GRID1: variants seen among roughly 807,000 people sequenced by gnomAD.
GRID1 encodes glutamate ionotropic receptor delta type subunit 1.
A neutral mutation model predicts 98.0 loss-of-function variants in GRID1; 28 were observed. The ratio of observed to expected loss-of-function variants is 0.29; its 90% CI spans 0.21 to 0.39. The LOEUF (loss-of-function observed/expected upper bound fraction) is 0.39. GRID1 is among the 10% of genes least tolerant of loss of function. The pLI is 1.00. For missense variants in GRID1, 1,111 were observed against 1,340.5 expected, an observed-to-expected ratio of 0.83 and a Z score of 2.67; for synonymous variants, 553 against 538.5, an observed-to-expected ratio of 1.03 and a Z score of -0.37.
rs552165532 is a variant in GRID1 at position 86,112,674 on chromosome 10, G to A, written c.726+26145C>T. ...CTGCTGCAAATCTCACCTCCTCCTC[G>A]GCTCCTAATGAGGACGGGCCTTCTC... On this transcript the variant is annotated intron_variant, in intron 4 of 15. Coordinates refer to ENST00000327946, the MANE Select transcript of GRID1 (RefSeq NM_017551.3). Among the ~76,000 whole-genome samples the A allele has an allele frequency of 2.6e-5, 4 of 152,216 alleles. No individual in the cohort carries two copies. In the South Asian group the frequency reaches 8.3e-4, roughly 32 times the overall value.
intron 8 of GRID1, among the ~76,000 whole-genome samples, chr10:85,846,508 A>G (rs1222886752): frequency 6.6e-6 from 1 of 152,212 alleles, no homozygotes; most frequent in Non-Finnish European, 1.5e-5. Flanking sequence ...TGGGCAACAG[A>G]GTGAGACTGT....
chr10:86,050,984 C>T (rs938792290), intron 4 of GRID1, among the ~76,000 whole-genome samples: 19 of 151,098 alleles, frequency 1.3e-4, no homozygotes, highest in African/African-American at 3.6e-4. Flanking sequence ...AGGCTGAGGC[C>T]GGAGAATCAC....
At chr10:86,115,078 C>A (rs573972232) in intron 4 of GRID1, among the ~76,000 whole-genome samples, 1 of 151,980 alleles carries the variant, frequency 6.6e-6, no homozygotes. Context: ...CAAGAGCTCC[C>A]GGGGGCTATG....
chr10:85,696,079 C>G (rs1256089597), intron 12 of GRID1, among the ~76,000 whole-genome samples: 2 of 152,036 alleles, frequency 1.3e-5, no homozygotes, highest in Admixed American at 6.6e-5. Context: ...ACAAGTCTGC[C>G]TTTAGTAATT....
chr10:85,736,819 T>A (rs1201247644), intron 8 of GRID1, among the ~76,000 whole-genome samples: 1 of 152,156 alleles, frequency 6.6e-6, no homozygotes, highest in Non-Finnish European at 1.5e-5. Context: ...ATTGCAAGCC[T>A]TAACCTTCAG....
intron 4 of GRID1, among the ~76,000 whole-genome samples, chr10:86,081,315 T>G (rs1439406734): frequency 6.6e-6 from 1 of 152,202 alleles, no homozygotes; most frequent in Admixed American, 6.5e-5. Context: ...GCCTGAGAGC[T>G]GACTGATATG....
At chr10:85,926,288 T>A (rs901464431) in intron 4 of GRID1, among the ~76,000 whole-genome samples, 1 of 152,152 alleles carries the variant, frequency 6.6e-6, no homozygotes, top group Admixed American at 6.5e-5. Context: ...AATTTGGGAC[T>A]CTGGCTCCAC....
intron 4 of GRID1, among the ~76,000 whole-genome samples, chr10:86,051,742 A>AT (rs1334029593): frequency 9.2e-5 from 14 of 152,016 alleles, no homozygotes; most frequent in Non-Finnish European, 1.5e-5. Flanking sequence ...CTCTCATACT[A>AT]TTTTTATCCA....
intron 4 of GRID1, among the ~76,000 whole-genome samples, chr10:86,023,540 C>T (rs909745261): frequency 6.6e-6 from 1 of 152,154 alleles, no homozygotes; most frequent in Non-Finnish European, 1.5e-5. Context: ...TCTCCAGGTC[C>T]CTGTCCAGAC....
At chr10:86,158,361 G>A (rs975157888) in intron 3 of GRID1, among the ~76,000 whole-genome samples, 1 of 152,214 alleles carries the variant, frequency 6.6e-6, no homozygotes, top group Non-Finnish European at 1.5e-5. Flanking sequence ...CCAGGTATTT[G>A]TGGAGGTGCC....
intron 4 of GRID1, among the ~76,000 whole-genome samples, chr10:86,022,550 CT>C (rs199859521): frequency 2.6e-5 from 4 of 151,956 alleles, no homozygotes; most frequent in Non-Finnish European, 4.4e-5. Context: ...TTCTGACGCT[CT>C]TTTTTTTCCC....
intron 12 of GRID1, among the ~76,000 whole-genome samples, chr10:85,683,173 T>G (rs1041189173): frequency 2.0e-5 from 3 of 152,182 alleles, no homozygotes; most frequent in Non-Finnish European, 4.4e-5. Flanking sequence ...GACCTCACTT[T>G]CTAGCAAGTT....
chr10:85,872,664 C>T (rs561616678), intron 5 of GRID1, among the ~76,000 whole-genome samples: 295 of 152,350 alleles, frequency 1.9e-3, no homozygotes, highest in Admixed American at 4.6e-3. Flanking sequence ...AGCCCCTGCC[C>T]CCAACTCCCT....
intron 8 of GRID1, among the ~76,000 whole-genome samples, chr10:85,791,099 A>C (rs1842475621): frequency 6.6e-6 from 1 of 152,166 alleles, no homozygotes; most frequent in South Asian, 2.1e-4. Flanking sequence ...AGTGACACCC[A>C]ATATCGATAC....
intron 4 of GRID1, among the ~76,000 whole-genome samples, chr10:86,077,823 T>G (rs898166640): frequency 3.9e-5 from 6 of 152,120 alleles, no homozygotes; most frequent in Non-Finnish European, 7.3e-5. Context: ...AAACTCAACC[T>G]CAGCCCCACA....
At chr10:85,840,054 G>A (rs1028402569) in intron 8 of GRID1, among the ~76,000 whole-genome samples, 9 of 152,014 alleles carry the variant, frequency 5.9e-5, no homozygotes, top group Non-Finnish European at 1.0e-4. Context: ...ACTGCACCAC[G>A]AAGAAACTGA....
At chr10:85,924,049 C>T (rs185847853) in intron 4 of GRID1, among the ~76,000 whole-genome samples, 9 of 152,298 alleles carry the variant, frequency 5.9e-5, no homozygotes, top group Admixed American at 1.3e-4. Flanking sequence ...CTAATTACCA[C>T]GAAGCCACTT....
intron 4 of GRID1, among the ~76,000 whole-genome samples, chr10:86,068,756 C>T (rs1050881439): frequency 6.6e-6 from 1 of 152,170 alleles, no homozygotes; most frequent in Admixed American, 6.5e-5. Context: ...CACAGGCATC[C>T]TAAGAAGGCA....
chr10:85,769,264 G>C (rs1301520046), intron 8 of GRID1, among the ~76,000 whole-genome samples: 1 of 152,196 alleles, frequency 6.6e-6, no homozygotes, highest in Non-Finnish European at 1.5e-5. Context: ...CAGAACAGAA[G>C]ACCAAATACT....
Sources: allele counts gnomAD v4.1 joint callset (sites outside exome capture counted in the v4.1 genomes callset), GRCh38; gene constraint gnomAD v4.1.1; transcripts MANE v1.5; gene names NCBI Gene and HGNC (gene_info 2026-07-23, HGNC 2026-07-21).